Variants in PLXNA4 observed in about 807,000 individuals in gnomAD.
The protein encoded by PLXNA4 is plexin-A4.
PLXNA4 carries 44 observed loss-of-function variants against 191.8 expected under a neutral mutation model. The observed-to-expected ratio is 0.23, with a 90% CI of 0.18 to 0.29. The LOEUF (loss-of-function observed/expected upper bound fraction) is 0.29. PLXNA4 is among the 10% of genes least tolerant of loss of function. The pLI is 1.00. For missense variants in PLXNA4, 1,800 were observed against 2,488.8 expected (o/e 0.72, Z 5.89); for synonymous variants, 1,082 against 1,009.5 (o/e 1.07, Z -1.36).
chr7:132,533,387 C>T (rs965082850), intron 1 of PLXNA4, among the ~76,000 whole-genome samples: 1 of 152,186 alleles, frequency 6.6e-6, no homozygotes, highest in East Asian at 1.9e-4. Flanking sequence ...GCAAGGCCCC[C>T]AACATGAAAA....
intron 24 of PLXNA4, among the ~76,000 whole-genome samples, chr7:132,160,637 T>A (rs1795922285): frequency 6.6e-6 from 1 of 152,122 alleles, no homozygotes; most frequent in African/African-American, 2.4e-5. Context: ...TGATGCCAAG[T>A]GGCCCTCCCC....
chr7:132,355,553 G>C (rs946920551), intron 3 of PLXNA4, among the ~76,000 whole-genome samples: 1 of 152,158 alleles, frequency 6.6e-6, no homozygotes, highest in Admixed American at 6.5e-5. Context: ...CCATTCAGCC[G>C]ATTAATATTT....
intron 2 of PLXNA4, among the ~76,000 whole-genome samples, chr7:132,502,497 G>A (rs1372525602): frequency 6.6e-6 from 1 of 152,136 alleles, no homozygotes; most frequent in Middle Eastern, 3.2e-3. Flanking sequence ...AATGTGAGAG[G>A]TTTTCTAGTC....
At chr7:132,263,611 A>G (rs892994197) in intron 4 of PLXNA4, among the ~76,000 whole-genome samples, 4 of 152,220 alleles carry the variant, frequency 2.6e-5, no homozygotes, top group Non-Finnish European at 5.9e-5. Flanking sequence ...CAAATTGTCC[A>G]CTGCATGCAT....
chr7:132,561,462 GTCC>G (rs1201439964), intron 1 of PLXNA4, among the ~76,000 whole-genome samples: 10 of 71,864 alleles, frequency 1.4e-4, no homozygotes, highest in South Asian at 1.1e-3. Context: ...CCTCCTTCTT[GTCC>G]TCCTCCTCCT....
At chr7:132,573,394 G>A (rs1802066554) in intron 1 of PLXNA4, among the ~76,000 whole-genome samples, 3 of 152,100 alleles carry the variant, frequency 2.0e-5, no homozygotes, top group African/African-American at 4.8e-5. Flanking sequence ...CCCCTAGCTG[G>A]CTAGGAGGAG....
chr7:132,231,156 A>G (rs1798511076), intron 5 of PLXNA4, among the ~76,000 whole-genome samples: 1 of 152,222 alleles, frequency 6.6e-6, no homozygotes. Context: ...AATCTTGGGC[A>G]AATTACTTAA....
chr7:132,623,518 C>T (rs1803313089), intron 2 of PLXNA4, among the ~76,000 whole-genome samples: 1 of 152,184 alleles, frequency 6.6e-6, no homozygotes, highest in African/African-American at 2.4e-5. Context: ...CCATAAGTCA[C>T]ATGCAAGTTA....
rs1366296765 is a variant in PLXNA4 at position 132,216,771 on chromosome 7, CA to C, written c.2098-5629del. 5.9e-5 allele frequency among the ~76,000 whole-genome samples: 9 copies of C among 152,150 alleles called. No individual in the cohort carries two copies. The East Asian group carries it at 1.7e-3, about 29-fold the overall frequency. ...ACTCTGCCCATGGCAATGATGAGCA[CA>C]GTATTTTCACCCAATCACCGTACTG... On this transcript the variant is annotated intron_variant, in intron 9 of 31. Coordinates refer to ENST00000321063, the MANE Select transcript of PLXNA4 (RefSeq NM_020911.2).
chr7:132,210,906 G>T lies in PLXNA4; in HGVS notation c.2298+37C>A, dbSNP rs746216895. 4.4e-6 allele frequency: 7 copies of T among 1,595,216 alleles called. No homozygotes were observed. In the South Asian group the frequency reaches 6.6e-5, roughly 15 times the overall value. ...ACAACAGTGATGTGGGTGGGACTGG[G>T]GCCTGGTTTGGCAGTGGGCAGGGTT... is the stretch of plus-strand genomic sequence containing the variant. On this transcript the variant is annotated intron_variant, in intron 10 of 31. Transcript: ENST00000321063.
At position 132,515,664 on chromosome 7, in the gene PLXNA4, AAC is replaced by A. The variant is rs544492651; in HGVS notation, c.-86-6887_-86-6886del. ...GTGTATGTACCAACTTTCAGAATCAAACACAACACTTCCCTATCTGCTGAGCA... is the reference window on the plus strand; with the variant it reads ...GTGTATGTACCAACTTTCAGAATCAAACAACACTTCCCTATCTGCTGAGCA... On this transcript the variant is annotated intron_variant, in intron 1 of 31. Transcript: ENST00000321063. 7.2e-5 allele frequency among the ~76,000 whole-genome samples: 11 copies of A among 152,282 alleles called. No homozygotes were observed. The South Asian group carries it at 2.3e-3, about 32-fold the overall frequency.
intron 3 of PLXNA4, among the ~76,000 whole-genome samples, chr7:132,483,629 T>C (rs1272476429): frequency 2.6e-5 from 4 of 152,242 alleles, no homozygotes; most frequent in Non-Finnish European, 5.9e-5. Context: ...CTTTCTTCAA[T>C]TTTAATGTGT....
At chr7:132,287,992 G>A (rs1040925070) in intron 4 of PLXNA4, among the ~76,000 whole-genome samples, 6 of 152,194 alleles carry the variant, frequency 3.9e-5, no homozygotes, top group African/African-American at 1.4e-4. Context: ...ACCCAAGAGT[G>A]GGGCGTACCA....
intron 3 of PLXNA4, among the ~76,000 whole-genome samples, chr7:132,298,729 T>C (rs1473523824): frequency 6.6e-6 from 1 of 152,274 alleles, no homozygotes; most frequent in Non-Finnish European, 1.5e-5. Flanking sequence ...GGTTTCACAC[T>C]AAGGGTCTCT....
chr7:132,287,065 C>T (rs906950895), intron 4 of PLXNA4, among the ~76,000 whole-genome samples: 24 of 152,158 alleles, frequency 1.6e-4, no homozygotes, highest in African/African-American at 5.6e-4. Flanking sequence ...CATAGAGTCT[C>T]ACTCTGTCAC....
At chr7:132,310,097 C>G (rs557409297) in intron 3 of PLXNA4, among the ~76,000 whole-genome samples, 2 of 152,212 alleles carry the variant, frequency 1.3e-5, no homozygotes, top group Non-Finnish European at 2.9e-5. Flanking sequence ...CCAAGCTCGA[C>G]TGCTGATTCT....
chr7:132,194,503 T>C (rs10954367), intron 13 of PLXNA4, among the ~76,000 whole-genome samples: 89,990 of 152,030 alleles, frequency 0.59, 26,921 homozygotes, highest in South Asian at 0.83. Context: ...CCAAAACCCT[T>C]AGGGAATAGG....
chr7:132,611,334 C>G (rs971192761), intron 2 of PLXNA4, among the ~76,000 whole-genome samples: 1 of 152,176 alleles, frequency 6.6e-6, no homozygotes, highest in Non-Finnish European at 1.5e-5. Context: ...GTTTTTCTCC[C>G]CCTCAAAGTA....
intron 5 of PLXNA4, 123 bp from the exon 6 acceptor site, chr7:132,228,592 T>C (rs573478613): frequency 2.3e-6 from 3 of 1,290,578 alleles, no homozygotes; most frequent in South Asian, 3.1e-5. Flanking sequence ...CGCCCAGAGC[T>C]AACCTTTTTG....
Sources: allele counts gnomAD v4.1 joint callset (sites outside exome capture counted in the v4.1 genomes callset), GRCh38; gene constraint gnomAD v4.1.1; transcripts MANE v1.5; gene names NCBI Gene and HGNC (gene_info 2026-07-23, HGNC 2026-07-21).